Variants in PDHA1 observed in about 807,000 individuals in gnomAD.
PDHA1 encodes pyruvate dehydrogenase E1 subunit alpha 1, also known as pyruvate dehydrogenase E1 component subunit alpha, somatic form, mitochondrial.
In PDHA1, 1 loss-of-function variant was observed where a neutral mutation model predicts 33.0. The ratio of observed to expected loss-of-function variants is 0.03; its 90% CI spans 0.01 to 0.14. PDHA1 has a LOEUF of 0.14. Among genes scored for constraint, PDHA1 ranks in the 10% least tolerant of loss-of-function variants. The pLI is 1.00. For missense variants in PDHA1, 168 were observed against 325.1 expected, an observed-to-expected ratio of 0.52 and a Z score of 3.72; for synonymous variants, 123 against 119.2, an observed-to-expected ratio of 1.03 and a Z score of -0.21.
rs1351374815 is a variant in PDHA1 at position 19,359,473 on chromosome X, G to GTT, written c.1009-15_1009-14dup. Reference sequence around the variant, plus strand: ...TGTTCATTCTAAAACCTTTTACACTGTTACCTAATTTTTAGGAAATTGATG... The same window carrying GTT: ...TGTTCATTCTAAAACCTTTTACACTGTTTTACCTAATTTTTAGGAAATTGATG... On this transcript the variant is annotated splice_polypyrimidine_tract_variant and intron_variant, in intron 10 of 10. Coordinates refer to ENST00000422285, the MANE Select transcript of PDHA1 (RefSeq NM_000284.4). 1 of 1,198,847 alleles carries GTT rather than the reference G, an allele frequency of 8.3e-7. No individual in the cohort carries two copies. Among genetic ancestry groups the GTT allele is most frequent in the Non-Finnish European group, 1.1e-6 (1 of 885,335 alleles).
At chrX:19,350,267 C>T (rs1376639587) in intron 3 of PDHA1, among the ~76,000 whole-genome samples, 157 bp downstream of exon 3, 1 of 111,471 alleles carries the variant, frequency 9.0e-6, no homozygotes, top group Non-Finnish European at 1.9e-5. Flanking sequence ...CTCTCTCTGT[C>T]GCCCAGGTTA....
At position 19,360,875 on chromosome X, in the gene PDHA1, G is replaced by T; in HGVS notation, c.*1222G>T. On this transcript the variant is annotated 3_prime_UTR_variant, in exon 11 of 11. Transcript: ENST00000422285. ...GCTGTCTTCAGAGTCAGTGCTTCAA[G>T]CCAACAGAGCTTAAAACTGCAGTCC... is the stretch of plus-strand genomic sequence containing the variant. 2 of 1,012,126 alleles carry T rather than the reference G, an allele frequency of 2.0e-6. No individual in the cohort carries two copies. Among genetic ancestry groups the T allele is most frequent in the Non-Finnish European group, 2.7e-6 (2 of 733,166 alleles). 83.4% of individuals were successfully genotyped at this position (1,012,126 alleles called of 1,213,427 possible). A position where few individuals can be genotyped will look rare whatever the true frequency, so the allele number is the denominator to read the frequency against.
Position 19,359,892 on chromosome X carries a change from CTAAT to C in PDHA1, c.*242_*245del. 2 of 406,863 alleles carry C rather than the reference CTAAT, an allele frequency of 4.9e-6. No homozygotes were observed. The highest frequency in any genetic ancestry group is 4.4e-5 in the East Asian group (1 of 22,851). 33.5% of individuals were successfully genotyped at this position (406,863 alleles called of 1,213,427 possible). A position where few individuals can be genotyped will look rare whatever the true frequency, so the allele number is the denominator to read the frequency against. On this transcript the variant is annotated 3_prime_UTR_variant, in exon 11 of 11. Coordinates refer to ENST00000422285, the MANE Select transcript of PDHA1 (RefSeq NM_000284.4). ...AAATAGTATACTTTGAACAAATACT[CTAAT>C]TATGAAAAGGAAGAACAATTCCTTG...
Position 19,361,709 on chromosome X carries a change from T to A in PDHA1, c.*2056T>A. On this transcript the variant is annotated 3_prime_UTR_variant, in exon 11 of 11. Coordinates refer to ENST00000422285, the MANE Select transcript of PDHA1 (RefSeq NM_000284.4). ...AATGTGATGTGAAAAAGAGATGAAT[T>A]AACCCTGTATCACTGAACCACGCTA... 1 of 512,729 alleles carries A rather than the reference T, an allele frequency of 2.0e-6. No individual in the cohort carries two copies. The highest frequency in any genetic ancestry group is 3.3e-6 in the Non-Finnish European group (1 of 307,029). 42.3% of individuals were successfully genotyped at this position (512,729 alleles called of 1,213,427 possible). A position where few individuals can be genotyped will look rare whatever the true frequency, so the allele number is the denominator to read the frequency against.
intron 1 of PDHA1, among the ~76,000 whole-genome samples, chrX:19,347,380 GTTCC>G (rs1202767617): frequency 8.9e-6 from 1 of 112,288 alleles, no homozygotes; most frequent in Non-Finnish European, 1.9e-5. Context: ...CTTTAACTTT[GTTCC>G]TTTCACTCAT....
rs1423910567 is a variant in PDHA1, at chrX:19,359,691, CCAGA to C, written c.*42_*45del. ...GAGAGGTTATACCTTCAGGGGGCTA[CCAGA>C]CAGTGTTCTCAACTTGGTTAAGGAG... On this transcript the variant is annotated 3_prime_UTR_variant, in exon 11 of 11. Coordinates refer to ENST00000422285, the MANE Select transcript of PDHA1 (RefSeq NM_000284.4). 2.7e-6 allele frequency: 3 copies of C among 1,132,033 alleles called. No homozygotes were observed. The highest frequency in any genetic ancestry group is 1.8e-5 in the African/African-American group (1 of 56,059). 93.3% of individuals were successfully genotyped at this position (1,132,033 alleles called of 1,213,427 possible).
intron 3 of PDHA1, 113 bp downstream of exon 3, chrX:19,350,223 ATTTTC>A (rs968256807): frequency 8.6e-6 from 5 of 582,887 alleles, no homozygotes; most frequent in Non-Finnish European, 1.5e-5. Flanking sequence ...TGGTAATGTA[ATTTTC>A]TTTTATTTAT....
chrX:19,352,713 G>C (rs1200275058), intron 4 of PDHA1: 1 of 238,292 alleles, frequency 4.2e-6, no homozygotes, highest in African/African-American at 2.8e-5. Context: ...AAAAATCTGT[G>C]TATAAGTGTA....
At chrX:19,359,102 G>A in intron 10 of PDHA1, 78 bp downstream of exon 10, 3 of 596,947 alleles carry the variant, frequency 5.0e-6, no homozygotes, top group Non-Finnish European at 8.8e-6. Flanking sequence ...AGTTTGTGTG[G>A]GTTCCTCCAA....
intron 5 of PDHA1, chrX:19,353,472 GA>G (rs1329220754): frequency 1.3e-5 from 5 of 372,892 alleles, no homozygotes; most frequent in Non-Finnish European, 2.4e-5. Flanking sequence ...TGTAGCCTAG[GA>G]GCAGTAGGCT....
In PDHA1 at chrX:19,359,673, T is replaced by C. The variant is rs768539902; in HGVS notation, c.*20T>C. 8.5e-7 allele frequency: 1 copy of C among 1,177,702 alleles called. No individual in the cohort carries two copies. The highest frequency in any genetic ancestry group is 1.8e-5 in the South Asian group (1 of 56,196). On this transcript the variant is annotated 3_prime_UTR_variant, in exon 11 of 11. Transcript: ENST00000422285. ...AGTTAAGGGGAGGAGAAGGAGAGGT[T>C]ATACCTTCAGGGGGCTACCAGACAG...
chrX:19,352,107 G>GT (rs1188448357), intron 4 of PDHA1, among the ~76,000 whole-genome samples: 2 of 109,209 alleles, frequency 1.8e-5, no homozygotes, highest in Non-Finnish European at 3.8e-5. Context: ...GGCCTGTTTT[G>GT]TTTTTTTGAG....
intron 10 of PDHA1, 126 bp downstream of exon 10, chrX:19,359,150 TAGTTCCAA>T: frequency 1.9e-6 from 1 of 516,076 alleles, no homozygotes; most frequent in South Asian, 2.7e-5. Flanking sequence ...AATAGTTCCA[TAGTTCCAA>T]AGTCCCTTGG....
chrX:19,346,736 T>C (rs1189486421), intron 1 of PDHA1: 6 of 439,172 alleles, frequency 1.4e-5, no homozygotes, highest in Non-Finnish European at 1.3e-5. Flanking sequence ...ATAAGGTTTA[T>C]AGTTTTCATA....
At position 19,361,129 on chromosome X, in the gene PDHA1, G is replaced by A. The variant is rs1013518852; in HGVS notation, c.*1476G>A. 1.4e-5 allele frequency: 6 copies of A among 422,592 alleles called. No individual in the cohort carries two copies. The Admixed American group carries it at 2.8e-4, about 19-fold the overall frequency. 34.8% of individuals were successfully genotyped at this position (422,592 alleles called of 1,213,427 possible). ...ACCCACTCCCAGCCAGGCATTAATG[G>A]CAGGAGATTGGCCAGCTCTTCTCTG... On this transcript the variant is annotated 3_prime_UTR_variant, in exon 11 of 11. Transcript: ENST00000422285.
chrX:19,361,239 A>G lies in PDHA1; in HGVS notation c.*1586A>G, dbSNP rs2063282628. 5.7e-6 allele frequency: 4 copies of G among 697,287 alleles called. No individual in the cohort carries two copies. In the South Asian group the frequency reaches 1.2e-4, roughly 20 times the overall value. The allele number at this position is 697,287 out of a possible 1,213,427, so 57.5% of individuals were successfully genotyped here. A position where few individuals can be genotyped will look rare whatever the true frequency, so the allele number is the denominator to read the frequency against. On this transcript the variant is annotated 3_prime_UTR_variant, in exon 11 of 11. Coordinates refer to ENST00000422285, the MANE Select transcript of PDHA1 (RefSeq NM_000284.4). Reference sequence around the variant, plus strand: ...CCCAGCTTGAACCTAATAGAACTCCAGAGTTTGGGGGGAGGCCCAGCCCTT... The same window carrying G: ...CCCAGCTTGAACCTAATAGAACTCCGGAGTTTGGGGGGAGGCCCAGCCCTT...
At chrX:19,352,492 T>C (rs978396851) in intron 4 of PDHA1, among the ~76,000 whole-genome samples, 1 of 111,877 alleles carries the variant, frequency 8.9e-6, no homozygotes, top group Non-Finnish European at 1.9e-5. Flanking sequence ...CTCTTCGGCC[T>C]CCCAAAATGT....
rs1602229682 is a variant in PDHA1 at position 19,357,659 on chromosome X, T to G, written c.839T>G (p.Ile280Ser). The stretch of plus-strand genomic sequence containing the variant: ...CTACCGGTTCTGTTTTAGGGGCCCA[T>G]CCTGATGGAGCTGCAGACTTACCGT... ...AAYCRSGKGP[I>S]LMELQTYRYH... Residue 280 changes from isoleucine to serine, a missense_variant, in exon 9 of 11, where the codon ATC becomes AGC. Coordinates refer to ENST00000422285, the MANE Select transcript of PDHA1 (RefSeq NM_000284.4). 8.3e-7 allele frequency: 1 copy of G among 1,208,840 alleles called. No homozygotes were observed. The highest frequency in any genetic ancestry group is 1.1e-6 in the Non-Finnish European group (1 of 892,773).
intron 1 of PDHA1, among the ~76,000 whole-genome samples, chrX:19,345,193 GGACTTGATACC>G (rs1402737533): frequency 9.0e-6 from 1 of 110,958 alleles, no homozygotes; most frequent in Non-Finnish European, 1.9e-5. Context: ...ATTTCCCCCA[GGACTTGATACC>G]GCTCTACTTA....
Sources: allele counts gnomAD v4.1 joint callset (sites outside exome capture counted in the v4.1 genomes callset), GRCh38; gene constraint gnomAD v4.1.1; transcripts MANE v1.5; gene names NCBI Gene and HGNC (gene_info 2026-07-23, HGNC 2026-07-21).